The following ABCD3 variants were observed in gnomAD, a reference collection of about 807,000 sequenced individuals.
ABCD3 encodes ATP-binding cassette sub-family D member 3.
ABCD3 carries 41 observed loss-of-function variants against 105.5 expected under a neutral mutation model. The observed-to-expected ratio is 0.39, with a 90% CI of 0.30 to 0.50. The LOEUF (loss-of-function observed/expected upper bound fraction) is 0.50. ABCD3 is among the 20% of genes least tolerant of loss of function. The pLI is 0.84. For synonymous variants in ABCD3, 258 were observed against 269.0 expected (o/e 0.96, Z 0.40); for missense variants, 622 against 806.3 (o/e 0.77, Z 2.77).
intron 1 of ABCD3, among the ~76,000 whole-genome samples, chr1:94,453,219 G>A (rs184717954): frequency 2.0e-5 from 3 of 152,100 alleles, no homozygotes; most frequent in African/African-American, 4.8e-5. Flanking sequence ...TTCTTTTTTG[G>A]GGAATAGAAG....
intron 8 of ABCD3, among the ~76,000 whole-genome samples, chr1:94,479,316 T>C (rs1570798682): frequency 6.6e-6 from 1 of 152,320 alleles, no homozygotes; most frequent in East Asian, 1.9e-4. Context: ...CTTAAATATG[T>C]CTCCATGTCT....
chr1:94,419,644 A>G (rs1659178792), intron 1 of ABCD3, among the ~76,000 whole-genome samples: 1 of 152,190 alleles, frequency 6.6e-6, no homozygotes, highest in Admixed American at 6.5e-5. Flanking sequence ...TGATTTGCCT[A>G]CAATATCTAA....
Position 94,467,921 on chromosome 1 carries a change from A to T in ABCD3, c.249A>T (p.Thr83=), listed in dbSNP as rs1309262501. The change falls in exon 4 of 23, where the codon ACA becomes ACT. Residue 83 remains threonine, a splice_region_variant and synonymous_variant. Coordinates refer to ENST00000370214, the MANE Select transcript of ABCD3 (RefSeq NM_002858.4). ...IMVPRTFCKE[T]GYLVLIAVML... Reference sequence around the variant, plus strand: ...TTACTATACCTGGTTTATTTTAGACAGGTTACTTGGTACTTATTGCTGTTA... The same window carrying T: ...TTACTATACCTGGTTTATTTTAGACTGGTTACTTGGTACTTATTGCTGTTA... The T allele has an allele frequency of 6.2e-7, 1 of 1,609,528 alleles. No homozygotes were observed. Among genetic ancestry groups the T allele is most frequent in the Non-Finnish European group, 8.5e-7 (1 of 1,176,164 alleles).
At chr1:94,394,396 CT>C in the ABCD3 span, among the ~76,000 whole-genome samples, 1 of 152,152 alleles carries the variant, frequency 6.6e-6, no homozygotes, top group Non-Finnish European at 1.5e-5. Context: ...TTCTGATTAC[CT>C]TTGCTGATAG....
At chr1:94,421,773 T>C (rs1659268100) in intron 1 of ABCD3, among the ~76,000 whole-genome samples, 1 of 152,124 alleles carries the variant, frequency 6.6e-6, no homozygotes, top group Non-Finnish European at 1.5e-5. Context: ...GTGTTAAGCC[T>C]AGAAAGGGGG....
At chr1:94,506,280 C>T (rs1046812086) in intron 20 of ABCD3, among the ~76,000 whole-genome samples, 4 of 152,134 alleles carry the variant, frequency 2.6e-5, no homozygotes, top group African/African-American at 9.7e-5. Context: ...CTTCCTCTCT[C>T]ATCAGTCTTA....
chr1:94,451,411 T>G (rs1647248266), intron 1 of ABCD3, among the ~76,000 whole-genome samples: 1 of 152,248 alleles, frequency 6.6e-6, no homozygotes, highest in African/African-American at 2.4e-5. Flanking sequence ...GAGCAAAGTT[T>G]GCTTCTTTAC....
chr1:94,486,625 C>A (rs1649291689), intron 10 of ABCD3, among the ~76,000 whole-genome samples: 1 of 152,014 alleles, frequency 6.6e-6, no homozygotes. Flanking sequence ...AATTCGGTGG[C>A]CAAAAATGAA....
Position 94,467,943 on chromosome 1 carries a change from G to A in ABCD3, c.271G>A (p.Val91Ile), listed in dbSNP as rs1014571901. The A allele has an allele frequency of 6.2e-7, 1 of 1,613,270 alleles. No individual in the cohort carries two copies. Among genetic ancestry groups the A allele is most frequent in the Non-Finnish European group, 8.5e-7 (1 of 1,179,448 alleles). The change falls in exon 4 of 23, where the codon GTT (valine) becomes ATT (isoleucine). Residue 91 changes from valine (V) to isoleucine (I), a missense_variant. By Grantham distance (29) the Val-to-Ile change is conservative. Coordinates refer to ENST00000370214, the MANE Select transcript of ABCD3 (RefSeq NM_002858.4). ...GACAGGTTACTTGGTACTTATTGCT[G>A]TTATGCTGGTGTCTCGAACATATTG... ...KETGYLVLIA[V>I]MLVSRTYCDV...
chr1:94,507,009 C>CT (rs1189857469), intron 21 of ABCD3, among the ~76,000 whole-genome samples: 1 of 151,536 alleles, frequency 6.6e-6, no homozygotes, highest in African/African-American at 2.4e-5. Flanking sequence ...TATTATTATA[C>CT]TTTAAGTTTT....
At chr1:94,405,494 G>A in the ABCD3 span, among the ~76,000 whole-genome samples, 1 of 152,002 alleles carries the variant, frequency 6.6e-6, no homozygotes, top group African/African-American at 2.4e-5. Context: ...AGTACAGACA[G>A]GGTTTCTCTA....
At chr1:94,488,658 G>A (rs1557683689) in intron 13 of ABCD3, among the ~76,000 whole-genome samples, 2 of 152,050 alleles carry the variant, frequency 1.3e-5, no homozygotes, top group Non-Finnish European at 2.9e-5. Flanking sequence ...CTTAGCTCCT[G>A]TGGCAGTTAT....
At chr1:94,394,648 G>A in the ABCD3 span, among the ~76,000 whole-genome samples, 1 of 152,310 alleles carries the variant, frequency 6.6e-6, no homozygotes, top group Admixed American at 6.5e-5. Flanking sequence ...GACAAGGAAT[G>A]TTCAGGGGAC....
At chr1:94,478,986 T>C (rs1648901106) in intron 8 of ABCD3, among the ~76,000 whole-genome samples, 1 of 152,214 alleles carries the variant, frequency 6.6e-6, no homozygotes, top group African/African-American at 2.4e-5. Context: ...TGTAATGTTA[T>C]TGTTACATAT....
chr1:94,408,224 G>A, the ABCD3 span, among the ~76,000 whole-genome samples: 18 of 152,260 alleles, frequency 1.2e-4, no homozygotes, highest in East Asian at 1.5e-3. Context: ...AACAGAAAGC[G>A]TTGACTGAGC....
the ABCD3 span, among the ~76,000 whole-genome samples, chr1:94,391,652 G>A: frequency 1.3e-5 from 2 of 152,198 alleles, no homozygotes; most frequent in Non-Finnish European, 2.9e-5. Flanking sequence ...TTGCTTTCAT[G>A]AAAGAGGTGT....
rs1570778922 is a variant in ABCD3, at chr1:94,464,775, A to G, written c.148A>G (p.Lys50Glu). The change falls in exon 3 of 23, where the codon AAA becomes GAA. Residue 50 changes from lysine (K) to glutamate (E), a missense_variant and splice_region_variant. Lys to Glu is a moderately conservative substitution (Grantham distance 56). Transcript: ENST00000370214. ...AAAGGGCTTCTTTTTTTTAATGCAG[A>G]AAGAGGGGAAAAAGGAGCGAGCTGT... ...SGKPPLQNNE[K>E]EGKKERAVVD... The G allele has an allele frequency of 6.2e-7, 1 of 1,612,686 alleles. No individual in the cohort carries two copies. The highest frequency in any genetic ancestry group is 8.5e-7 in the Non-Finnish European group (1 of 1,178,992).
Position 94,493,963 on chromosome 1 carries a change from A to G in ABCD3, c.1386+2716A>G, listed in dbSNP as rs374907118. Among the ~76,000 whole-genome samples the G allele has an allele frequency of 1.3e-3, 194 of 152,142 alleles. 6 individuals are homozygous for G. In the East Asian group the frequency reaches 0.029, roughly 23 times the overall value. ...CTGTTGTGGGGTGGGGTCCTGGGGG[A>G]GGGATAGCATTAGGAGATATACCTA... is the stretch of plus-strand genomic sequence containing the variant. On this transcript the variant is annotated intron_variant, in intron 16 of 22. Coordinates refer to ENST00000370214, the MANE Select transcript of ABCD3 (RefSeq NM_002858.4).
At chr1:94,469,509 T>A (rs528956827) in intron 4 of ABCD3, among the ~76,000 whole-genome samples, 3 of 135,008 alleles carry the variant, frequency 2.2e-5, no homozygotes, top group Admixed American at 1.5e-4. Flanking sequence ...TTTTTTTTTT[T>A]AAACCTACTT....
Sources: allele counts gnomAD v4.1 joint callset (sites outside exome capture counted in the v4.1 genomes callset), GRCh38; gene constraint gnomAD v4.1.1; transcripts MANE v1.5; gene names NCBI Gene and HGNC (gene_info 2026-07-23, HGNC 2026-07-21).